The following KCNH7 variants were observed in gnomAD, a reference collection of about 807,000 sequenced individuals.
KCNH7 encodes the protein potassium voltage-gated channel subfamily H member 7.
KCNH7 carries 49 observed loss-of-function variants against 120.8 expected under a neutral mutation model. The observed-to-expected ratio is 0.41, with a 90% CI of 0.32 to 0.51. The LOEUF is 0.51. KCNH7 is among the 20% of genes least tolerant of loss of function. KCNH7 has a pLI of 0.38. For missense variants in KCNH7, 1,097 were observed against 1,446.6 expected, an observed-to-expected ratio of 0.76 and a Z score of 3.92; for synonymous variants, 547 against 516.1, an observed-to-expected ratio of 1.06 and a Z score of -0.81.
intron 2 of KCNH7, among the ~76,000 whole-genome samples, chr2:162,718,237 T>G (rs1378822313): frequency 6.6e-6 from 1 of 152,004 alleles, no homozygotes. Context: ...CAGGGTGGTA[T>G]GGCCATATAC....
chr2:162,744,049 C>T (rs887446194), intron 2 of KCNH7, among the ~76,000 whole-genome samples: 7 of 151,998 alleles, frequency 4.6e-5, no homozygotes, highest in South Asian at 2.1e-4. Flanking sequence ...TGCACGGATT[C>T]GCCATACCCT....
chr2:162,505,786 T>G (rs1220725915), intron 5 of KCNH7, among the ~76,000 whole-genome samples: 2 of 151,930 alleles, frequency 1.3e-5, no homozygotes, highest in East Asian at 3.9e-4. Context: ...ATAGTTGCCT[T>G]TGTTATTTTT....
At chr2:162,458,966 C>T (rs1318695166) in intron 6 of KCNH7, among the ~76,000 whole-genome samples, 1 of 150,514 alleles carries the variant, frequency 6.6e-6, no homozygotes, top group East Asian at 1.9e-4. Context: ...AAGATTGCAC[C>T]ACTGCATTCC....
At chr2:162,665,522 A>G (rs1388713318) in intron 2 of KCNH7, among the ~76,000 whole-genome samples, 1 of 152,128 alleles carries the variant, frequency 6.6e-6, no homozygotes, top group Non-Finnish European at 1.5e-5. Context: ...GAAAAAACTA[A>G]ATTTGTCATT....
chr2:162,400,515 G>C, intron 9 of KCNH7, 74 bp from the exon 10 acceptor site: 1 of 1,499,968 alleles, frequency 6.7e-7, no homozygotes, highest in Admixed American at 1.7e-5. Context: ...TCAATTTCTT[G>C]CTCACAGAAC....
At chr2:162,405,112 G>A (rs556450052) in intron 9 of KCNH7, among the ~76,000 whole-genome samples, 2 of 152,004 alleles carry the variant, frequency 1.3e-5, no homozygotes, top group South Asian at 2.1e-4. Context: ...TCAAGTTCCA[G>A]AAAATTTTTT....
At chr2:162,493,490 C>G (rs747478694) in intron 6 of KCNH7, among the ~76,000 whole-genome samples, 4 of 152,166 alleles carry the variant, frequency 2.6e-5, no homozygotes, top group Non-Finnish European at 5.9e-5. Context: ...GTATGCAGGT[C>G]AGATACTAGG....
chr2:162,413,964 T>A lies in KCNH7; in HGVS notation c.2154+9372A>T, dbSNP rs561352246. On this transcript the variant is annotated intron_variant, in intron 9 of 15. Coordinates refer to ENST00000332142, the MANE Select transcript of KCNH7 (RefSeq NM_033272.4). ...TGCAAAAAATGCTACGAATGGGCAA[T>A]TCATAGAATAAAAAAGCCAAATAAT... is the stretch of plus-strand genomic sequence containing the variant. Among the ~76,000 whole-genome samples, 2 of 151,928 alleles carry A rather than the reference T, an allele frequency of 1.3e-5. 1 individual carries two copies. The highest frequency in any genetic ancestry group is 1.3e-4 in the Admixed American group (2 of 15,226).
At chr2:162,750,970 C>T (rs1688518969) in intron 2 of KCNH7, among the ~76,000 whole-genome samples, 1 of 152,100 alleles carries the variant, frequency 6.6e-6, no homozygotes, top group African/African-American at 2.4e-5. Context: ...TCTTCCCCCT[C>T]TGAATTTGCC....
intron 3 of KCNH7, among the ~76,000 whole-genome samples, chr2:162,520,331 T>C (rs2105790571): frequency 6.6e-6 from 1 of 151,760 alleles, no homozygotes; most frequent in South Asian, 2.1e-4. Flanking sequence ...CTGTTTTCAT[T>C]TCTCTCATCT....
intron 2 of KCNH7, among the ~76,000 whole-genome samples, chr2:162,606,678 A>G (rs906201851): frequency 1.3e-5 from 2 of 152,274 alleles, no homozygotes; most frequent in East Asian, 3.9e-4. Context: ...AGGATGAGCA[A>G]GATAAACAGT....
At chr2:162,431,589 C>T (rs1440608816) in intron 8 of KCNH7, among the ~76,000 whole-genome samples, 2 of 151,800 alleles carry the variant, frequency 1.3e-5, no homozygotes, top group East Asian at 1.9e-4. Flanking sequence ...AAAGTATTTC[C>T]TGTGTGACAT....
intron 9 of KCNH7, among the ~76,000 whole-genome samples, chr2:162,414,526 T>A (rs1022017294): frequency 6.6e-6 from 1 of 151,730 alleles, no homozygotes; most frequent in African/African-American, 2.4e-5. Context: ...ATTAGCCAAG[T>A]TGGAGATATT....
At chr2:162,740,588 G>A (rs966231981) in intron 2 of KCNH7, among the ~76,000 whole-genome samples, 4 of 152,180 alleles carry the variant, frequency 2.6e-5, no homozygotes, top group Admixed American at 6.5e-5. Flanking sequence ...CAGTCATACC[G>A]TGCTCAACAA....
chr2:162,460,936 C>T (rs931877056), intron 6 of KCNH7, among the ~76,000 whole-genome samples: 1 of 152,118 alleles, frequency 6.6e-6, no homozygotes, highest in African/African-American at 2.4e-5. Context: ...CTCTGTTTTC[C>T]TAATATACAT....
At chr2:162,546,917 G>T (rs963983325) in intron 2 of KCNH7, among the ~76,000 whole-genome samples, 1 of 151,928 alleles carries the variant, frequency 6.6e-6, no homozygotes, top group African/African-American at 2.4e-5. Context: ...AAGTAATGCC[G>T]CTCAGGCATA....
At chr2:162,509,973 G>T (rs1691013410) in intron 5 of KCNH7, among the ~76,000 whole-genome samples, 1 of 151,622 alleles carries the variant, frequency 6.6e-6, no homozygotes, top group Non-Finnish European at 1.5e-5. Context: ...TAGAGAAAGT[G>T]AGGTAGATTT....
At chr2:162,765,677 T>G (rs1236437663) in intron 2 of KCNH7, among the ~76,000 whole-genome samples, 1 of 152,218 alleles carries the variant, frequency 6.6e-6, no homozygotes, top group East Asian at 1.9e-4. Flanking sequence ...GCTCAATACA[T>G]AGTGAAGAAT....
chr2:162,669,068 T>C (rs959248197), intron 2 of KCNH7, among the ~76,000 whole-genome samples: 7 of 152,120 alleles, frequency 4.6e-5, no homozygotes, highest in Non-Finnish European at 8.8e-5. Context: ...AGCTTAAGAA[T>C]TATAGAGGAT....
Sources: gnomAD v4.1 joint callset for allele counts (sites outside exome capture counted in the v4.1 genomes callset) on GRCh38, gnomAD v4.1.1 for gene constraint, MANE v1.5 for transcripts, NCBI Gene and HGNC (gene_info 2026-07-23, HGNC 2026-07-21) for gene names.